DLGAP2: variants seen among roughly 807,000 people sequenced by gnomAD.
The protein encoded by DLGAP2 is disks large-associated protein 2.
In DLGAP2, 26 loss-of-function variants were observed where a neutral mutation model predicts 100.3. The observed-to-expected ratio is 0.26, with a 90% CI of 0.19 to 0.36. The LOEUF (loss-of-function observed/expected upper bound fraction) is 0.36. Among genes scored for constraint, DLGAP2 ranks in the 10% least tolerant of loss-of-function variants. DLGAP2 has a pLI of 1.00. For missense variants in DLGAP2, 1,858 were observed against 1,453.2 expected, an observed-to-expected ratio of 1.28 and a Z score of -4.53; for synonymous variants, 886 against 630.1, an observed-to-expected ratio of 1.41 and a Z score of -6.08.
At chr8:1,135,649 A>G (rs1234546259) in intron 2 of DLGAP2, among the ~76,000 whole-genome samples, 1 of 152,006 alleles carries the variant, frequency 6.6e-6, no homozygotes, top group African/African-American at 2.4e-5. Context: ...GCCTTGCGGC[A>G]TGTCAGAAAG....
intron 2 of DLGAP2, among the ~76,000 whole-genome samples, chr8:1,028,672 G>C (rs534390075): frequency 6.6e-6 from 1 of 152,258 alleles, no homozygotes; most frequent in Non-Finnish European, 1.5e-5. Flanking sequence ...CCATCCAGGA[G>C]CTAGGGTGTG....
intron 2 of DLGAP2, among the ~76,000 whole-genome samples, chr8:951,410 A>AT (rs1034045046): frequency 4.0e-5 from 6 of 151,888 alleles, no homozygotes; most frequent in African/African-American, 1.2e-4. Flanking sequence ...ACACCTGGCT[A>AT]TTTTTTTGTT....
At chr8:1,138,745 G>A (rs1796467210) in intron 2 of DLGAP2, among the ~76,000 whole-genome samples, 1 of 152,240 alleles carries the variant, frequency 6.6e-6, no homozygotes, top group Non-Finnish European at 1.5e-5. Context: ...GTCCTGGCCT[G>A]TGCGGCTGGT....
chr8:1,273,560 G>A (rs978717563), intron 3 of DLGAP2, among the ~76,000 whole-genome samples: 1 of 152,190 alleles, frequency 6.6e-6, no homozygotes, highest in Non-Finnish European at 1.5e-5. Context: ...CTGCTCTGCT[G>A]CTTCAGACGT....
chr8:1,244,197 A>C (rs1467354340), intron 2 of DLGAP2, among the ~76,000 whole-genome samples: 2 of 152,214 alleles, frequency 1.3e-5, no homozygotes, highest in Non-Finnish European at 2.9e-5. Context: ...GTTAGAGTGC[A>C]TTTGTAGGTG....
intron 2 of DLGAP2, among the ~76,000 whole-genome samples, chr8:1,155,517 C>T (rs1796766080): frequency 6.6e-6 from 1 of 152,194 alleles, no homozygotes. Flanking sequence ...GTTTCCATGG[C>T]AGGAGGCTGT....
chr8:996,615 A>T (rs1297446915), intron 2 of DLGAP2, among the ~76,000 whole-genome samples: 1 of 152,162 alleles, frequency 6.6e-6, no homozygotes, highest in Non-Finnish European at 1.5e-5. Flanking sequence ...CAACCTTATG[A>T]ATATAAAAGG....
At chr8:909,742 A>AAGAGAGAGG (rs1798448001) in intron 2 of DLGAP2, among the ~76,000 whole-genome samples, 1 of 152,136 alleles carries the variant, frequency 6.6e-6, no homozygotes, top group Non-Finnish European at 1.5e-5. Flanking sequence ...GGCTCCAGAG[A>AAGAGAGAGG]AGAGAGAGGT....
chr8:1,654,322 A>T (rs1798234407), intron 8 of DLGAP2, among the ~76,000 whole-genome samples: 1 of 152,354 alleles, frequency 6.6e-6, no homozygotes, highest in South Asian at 2.1e-4. Flanking sequence ...TGGAAAAATT[A>T]TTCCTTTCAA....
intron 3 of DLGAP2, among the ~76,000 whole-genome samples, chr8:1,330,742 T>G (rs1801136411): frequency 7.7e-6 from 1 of 129,168 alleles, no homozygotes; most frequent in Non-Finnish European, 1.6e-5. Context: ...CAGGACTGAG[T>G]TCTGGGTGGG....
Position 972,616 on chromosome 8 carries a change from C to CTTTTTTTTTTTCTTAT in DLGAP2, c.73+64652_73+64653insTTTTTTTTTCTTATTT, listed in dbSNP as rs547635325. ...AAAATATTTTTTTTTGTATTTTTTT[C>CTTTTTTTTTTTCTTAT]TTATTTATTTATTTATTTATTTATT... is the stretch of plus-strand genomic sequence containing the variant. On this transcript the variant is annotated intron_variant, in intron 2 of 14. Transcript: ENST00000637795. Among the ~76,000 whole-genome samples the CTTTTTTTTTTTCTTAT allele has an allele frequency of 6.3e-3, 948 of 150,108 alleles. 2 individuals carry two copies. Among genetic ancestry groups the CTTTTTTTTTTTCTTAT allele is most frequent in the Admixed American group, 0.011 (173 of 15,054 alleles).
intron 4 of DLGAP2, among the ~76,000 whole-genome samples, chr8:1,533,852 G>A (rs530198140): frequency 6.6e-6 from 1 of 152,148 alleles, no homozygotes; most frequent in African/African-American, 2.4e-5. Context: ...AGCTCCTCAG[G>A]AGGCTGAGGT....
intron 2 of DLGAP2, among the ~76,000 whole-genome samples, chr8:1,155,282 C>A (rs1006443539): frequency 6.6e-6 from 1 of 152,140 alleles, no homozygotes; most frequent in South Asian, 2.1e-4. Context: ...CTCCGTCTTC[C>A]CGGAGGGAGT....
At chr8:1,170,656 C>T (rs1204131730) in intron 2 of DLGAP2, among the ~76,000 whole-genome samples, 1 of 143,686 alleles carries the variant, frequency 7.0e-6, no homozygotes, top group Non-Finnish European at 1.6e-5. Context: ...TCTAGATTTT[C>T]TAGTTTATTT....
intron 3 of DLGAP2, among the ~76,000 whole-genome samples, chr8:1,276,360 C>A (rs1400920928): frequency 6.6e-6 from 1 of 151,902 alleles, no homozygotes; most frequent in Non-Finnish European, 1.5e-5. Flanking sequence ...AATGTAGATT[C>A]GCGTCGGGCA....
chr8:962,571 C>G (rs1243963827), intron 2 of DLGAP2, among the ~76,000 whole-genome samples: 1 of 152,142 alleles, frequency 6.6e-6, no homozygotes, highest in African/African-American at 2.4e-5. Context: ...CCAGAGACTC[C>G]TTTTGAGGTC....
At chr8:806,157 G>C (rs1051873322) in intron 1 of DLGAP2, among the ~76,000 whole-genome samples, 5 of 152,216 alleles carry the variant, frequency 3.3e-5, no homozygotes, top group Non-Finnish European at 5.9e-5. Context: ...AATTGCAGCT[G>C]ACTTGACTAA....
chr8:1,357,543 C>T (rs1042011108), intron 3 of DLGAP2, among the ~76,000 whole-genome samples: 2 of 151,956 alleles, frequency 1.3e-5, no homozygotes, highest in African/African-American at 4.8e-5. Flanking sequence ...GCAAATATTT[C>T]CCGCCTCACA....
intron 3 of DLGAP2, among the ~76,000 whole-genome samples, chr8:1,306,074 CAAAAAAAAA>C (rs61647224): frequency 8.6e-6 from 1 of 116,448 alleles, no homozygotes; most frequent in African/African-American, 3.1e-5. Context: ...AGAAATTAGG[CAAAAAAAAA>C]AAAAAAAAAG....
Sources: gnomAD v4.1 joint callset for allele counts (sites outside exome capture counted in the v4.1 genomes callset) on GRCh38, gnomAD v4.1.1 for gene constraint, MANE v1.5 for transcripts, NCBI Gene and HGNC (gene_info 2026-07-23, HGNC 2026-07-21) for gene names.